The following MYOF variants were observed in gnomAD, a reference collection of about 807,000 sequenced individuals.
MYOF encodes myoferlin, also known as fer-1-like 3, myoferlin.
Under a neutral mutation model 284.2 loss-of-function variants are expected in MYOF, and 244 were observed. The observed-to-expected ratio is 0.86, with a 90% CI of 0.77 to 0.95. MYOF has a LOEUF of 0.95. Among genes scored for constraint, MYOF ranks in the 40% least tolerant of loss-of-function variants. MYOF has a pLI of 0.00. For missense variants in MYOF, 2,496 were observed against 2,560.6 expected, an observed-to-expected ratio of 0.97 and a Z score of 0.54; for synonymous variants, 904 against 919.7, an observed-to-expected ratio of 0.98 and a Z score of 0.31.
rs561281045 is a variant in MYOF at position 93,430,176 on chromosome 10, C to T, written c.345+1232G>A. 1.4e-3 allele frequency among the ~76,000 whole-genome samples: 213 copies of T among 151,880 alleles called. 2 individuals carry two copies. The highest frequency in any genetic ancestry group is 4.7e-3 in the African/African-American group (195 of 41,486). On this transcript the variant is annotated intron_variant, in intron 4 of 53. Transcript: ENST00000359263. ...GTCTGGATCTCCTGACCTCAAGATCCGCCCGCCTCAGCCTCCCAAAGTGCT... is the reference window on the plus strand; with the variant it reads ...GTCTGGATCTCCTGACCTCAAGATCTGCCCGCCTCAGCCTCCCAAAGTGCT...
At chr10:93,428,406 A>G (rs1368961335) in intron 4 of MYOF, among the ~76,000 whole-genome samples, 1 of 150,884 alleles carries the variant, frequency 6.6e-6, no homozygotes, top group Non-Finnish European at 1.5e-5. Flanking sequence ...GGGTTTCACC[A>G]TGTTGGCCAG....
At chr10:93,412,987 T>A (rs183129498) in intron 5 of MYOF, among the ~76,000 whole-genome samples, 2 of 152,198 alleles carry the variant, frequency 1.3e-5, no homozygotes, top group African/African-American at 4.8e-5. Context: ...AAGACGAACT[T>A]CCTTCCATCA....
chr10:93,447,296 C>G (rs993457469), intron 3 of MYOF, among the ~76,000 whole-genome samples: 22 of 152,144 alleles, frequency 1.4e-4, no homozygotes, highest in African/African-American at 5.3e-4. Flanking sequence ...TCACTTACAG[C>G]CCCTTTACCT....
intron 2 of MYOF, among the ~76,000 whole-genome samples, chr10:93,455,896 T>C (rs550090300): frequency 2.0e-5 from 3 of 152,234 alleles, no homozygotes; most frequent in African/African-American, 7.2e-5. Flanking sequence ...TCATGAATAA[T>C]TGGGTGGTTT....
intron 40 of MYOF, 22 bp from the exon 41 acceptor site, chr10:93,336,068 T>G: frequency 6.2e-7 from 1 of 1,608,908 alleles, no homozygotes; most frequent in Non-Finnish European, 8.5e-7. Context: ...CAACAGAGTC[T>G]TAATTTCTCA....
intron 27 of MYOF, among the ~76,000 whole-genome samples, chr10:93,363,123 C>A (rs1305627181): frequency 1.3e-5 from 2 of 152,100 alleles, no homozygotes; most frequent in African/African-American, 2.4e-5. Flanking sequence ...GCTCATAGAT[C>A]TATATGCATT....
chr10:93,308,864 A>G (rs1842254242), intron 53 of MYOF, among the ~76,000 whole-genome samples: 1 of 152,012 alleles, frequency 6.6e-6, no homozygotes, highest in Non-Finnish European at 1.5e-5. Flanking sequence ...GGCATGTGCC[A>G]CCACACCCAA....
At chr10:93,407,584 A>T (rs2134117289) in intron 7 of MYOF, among the ~76,000 whole-genome samples, 1 of 151,140 alleles carries the variant, frequency 6.6e-6, no homozygotes, top group Admixed American at 6.6e-5. Context: ...CAAAAAAAAA[A>T]AAAATTAGCT....
intron 36 of MYOF, 151 bp downstream of exon 36, chr10:93,349,657 G>C: frequency 1.2e-6 from 1 of 866,630 alleles, no homozygotes; most frequent in Non-Finnish European, 1.7e-6. Context: ...GAGAATTTAA[G>C]GGGAAAAAGT....
At position 93,452,121 on chromosome 10, in the gene MYOF, C is replaced by G; in HGVS notation, c.165G>C (p.Arg55Ser). The change falls in exon 3 of 54, where the codon AGG becomes AGC. Residue 55 changes from arginine (R) to serine (S), a missense_variant. By Grantham distance (110) the Arg-to-Ser change is moderately radical (BLOSUM62 -1). Around this residue, in one of 3 missense-constraint regions of MYOF, gnomAD observed 57 missense variants for 62.4 expected, o/e 0.91. Coordinates refer to ENST00000359263, the MANE Select transcript of MYOF (RefSeq NM_013451.4). ...VWNEILEFDL[R>S]GIPLDFSSSL... The stretch of plus-strand genomic sequence containing the variant: ...AAGATGAAAAGTCCAGTGGTATACC[C>G]CTCAAGTCAAACTCCAAAATCTGTT... The G allele has an allele frequency of 6.2e-7, 1 of 1,609,696 alleles. No individual in the cohort carries two copies. The highest frequency in any genetic ancestry group is 8.5e-7 in the Non-Finnish European group (1 of 1,179,014).
rs192190790 is a variant in MYOF at position 93,459,419 on chromosome 10, T to C, written c.89-2482A>G. Among the ~76,000 whole-genome samples, 29 of 152,354 alleles carry C rather than the reference T, an allele frequency of 1.9e-4. 1 individual carries two copies. Among genetic ancestry groups the C allele is most frequent in the Admixed American group, 1.6e-3 (25 of 15,302 alleles). ...CCAGGCTGTGCATTCTACCACAGTG[T>C]CTCTAACCATTGAGACAATTCTTCC... On this transcript the variant is annotated intron_variant, in intron 1 of 53. Transcript: ENST00000359263.
rs760704508 is a variant in MYOF, at chr10:93,377,325, C to G, written c.2106G>C (p.Thr702=). 6.2e-7 allele frequency: 1 copy of G among 1,612,242 alleles called. No individual in the cohort carries two copies. Residue 702 remains threonine (T), a splice_region_variant and synonymous_variant, in exon 22 of 54, where the codon ACG becomes ACC. Coordinates refer to ENST00000359263, the MANE Select transcript of MYOF (RefSeq NM_013451.4). ...LKLIDEVIED[T]RYTLPLTEGK... is the part of the protein sequence containing the mutation. ...AGATAGGCGTAAGATCACTGTACCTCGTGTCTTCTATAACTTCATCTATCA... is the reference window on the plus strand; with the variant it reads ...AGATAGGCGTAAGATCACTGTACCTGGTGTCTTCTATAACTTCATCTATCA...
At chr10:93,409,515 C>A in intron 6 of MYOF, 58 bp downstream of exon 6, 3 of 1,573,738 alleles carry the variant, frequency 1.9e-6, no homozygotes, top group Non-Finnish European at 1.7e-6. Context: ...ACTGCAATTG[C>A]CAGAAGATGG....
At chr10:93,477,880 A>T (rs1318932374) in intron 1 of MYOF, among the ~76,000 whole-genome samples, 1 of 152,138 alleles carries the variant, frequency 6.6e-6, no homozygotes, top group African/African-American at 2.4e-5. Flanking sequence ...TGAAATATGC[A>T]TATTCACAAA....
In MYOF at chr10:93,373,070, G is replaced by C. The variant is rs1845664815; in HGVS notation, c.2317C>G (p.Pro773Ala). Reference protein sequence around the residue: ...QLTEEPQNSMPDIIIWMIRGE... With the variant: ...QLTEEPQNSMADIIIWMIRGE... The stretch of plus-strand genomic sequence containing the variant: ...CGGATCATCCAGATGATGATGTCAG[G>C]CATGCTGTTCTGTGGCTGGTCATGA... The change falls in exon 24 of 54, where the codon CCT becomes GCT. Residue 773 changes from proline (P) to alanine (A), a missense_variant. By Grantham distance (27) the Pro-to-Ala change is conservative. Transcript: ENST00000359263. 1.9e-6 allele frequency: 3 copies of C among 1,614,192 alleles called. No individual in the cohort carries two copies. Among genetic ancestry groups the C allele is most frequent in the East Asian group, 2.2e-5 (1 of 44,890 alleles).
chr10:93,451,110 C>T (rs1325976279), intron 3 of MYOF, among the ~76,000 whole-genome samples: 3 of 152,154 alleles, frequency 2.0e-5, no homozygotes, highest in Admixed American at 6.5e-5. Flanking sequence ...GAGGCTGAAG[C>T]GGGTAGATCA....
At chr10:93,470,547 G>A (rs2057122113) in intron 1 of MYOF, among the ~76,000 whole-genome samples, 3 of 151,998 alleles carry the variant, frequency 2.0e-5, no homozygotes, top group Non-Finnish European at 4.4e-5. Context: ...GACTACAGGT[G>A]CCCAACACCA....
At chr10:93,458,294 A>T (rs1227799162) in intron 1 of MYOF, among the ~76,000 whole-genome samples, 1 of 152,120 alleles carries the variant, frequency 6.6e-6, no homozygotes, top group Non-Finnish European at 1.5e-5. Flanking sequence ...TCAAGGCTGC[A>T]GTGAGCCAAG....
chr10:93,344,483 T>C (rs1446839502), intron 37 of MYOF, among the ~76,000 whole-genome samples: 1 of 152,076 alleles, frequency 6.6e-6, no homozygotes, highest in Non-Finnish European at 1.5e-5. Flanking sequence ...CTCCTACTTA[T>C]AAGTGAGAAC....
Sources: gnomAD v4.1 joint callset for allele counts (sites outside exome capture counted in the v4.1 genomes callset) on GRCh38, gnomAD v4.1.1 for gene constraint, gnomAD v4.1.1 regional missense constraint, MANE v1.5 for transcripts, NCBI Gene and HGNC (gene_info 2026-07-23, HGNC 2026-07-21) for gene names.